The following SMAD3 variants were observed in gnomAD, a reference collection of about 807,000 sequenced individuals.
SMAD3 encodes the protein SMAD family member 3, also known as MAD homolog 3.
A neutral mutation model predicts 51.8 loss-of-function variants in SMAD3; 12 were observed. The ratio of observed to expected loss-of-function variants is 0.23; its 90% CI spans 0.15 to 0.38. SMAD3 has a LOEUF of 0.38. SMAD3 is among the 10% of genes least tolerant of loss of function. The pLI is 1.00. For missense variants in SMAD3, 294 were observed against 565.6 expected, an observed-to-expected ratio of 0.52 and a Z score of 4.87; for synonymous variants, 238 against 227.7, an observed-to-expected ratio of 1.05 and a Z score of -0.41.
intron 1 of SMAD3, among the ~76,000 whole-genome samples, chr15:67,084,676 C>G (rs1960351622): frequency 6.6e-6 from 1 of 152,066 alleles, no homozygotes; most frequent in Admixed American, 6.5e-5. Flanking sequence ...ATGGAGCGTC[C>G]CAGGGTGAAA....
At chr15:67,160,758 G>C (rs1036209710) in intron 1 of SMAD3, among the ~76,000 whole-genome samples, 2 of 109,812 alleles carry the variant, frequency 1.8e-5, no homozygotes, top group East Asian at 6.1e-4. Context: ...GCGACAGAGC[G>C]AGACTCCATC....
intron 1 of SMAD3, among the ~76,000 whole-genome samples, chr15:67,148,190 G>A (rs186709184): frequency 6.6e-6 from 1 of 152,270 alleles, no homozygotes; most frequent in Admixed American, 6.5e-5. Context: ...ATGCTAGAAG[G>A]TACTAGAAGG....
chr15:67,072,229 A>G (rs1960070418), intron 1 of SMAD3, among the ~76,000 whole-genome samples: 1 of 152,228 alleles, frequency 6.6e-6, no homozygotes, highest in Admixed American at 6.5e-5. Flanking sequence ...GAACTGAGCG[A>G]CCATTAATTT....
intron 1 of SMAD3, among the ~76,000 whole-genome samples, chr15:67,089,258 G>C (rs1378113814): frequency 6.6e-6 from 1 of 152,166 alleles, no homozygotes; most frequent in Non-Finnish European, 1.5e-5. Context: ...GATGACCCTT[G>C]CTACTTTACT....
Position 67,165,305 on chromosome 15 carries a change from C to T in SMAD3, c.453C>T (p.Pro151=). 6.2e-7 allele frequency: 1 copy of T among 1,614,220 alleles called. No homozygotes were observed. Among genetic ancestry groups the T allele is most frequent in the Non-Finnish European group, 8.5e-7 (1 of 1,180,030 alleles). ...PRHTEIPAEF[P]PLDDYSHSIP... ...ACACAGAGATCCCGGCCGAGTTCCCCCCACTGGACGACTACAGCCATTCCA... is the reference window on the plus strand; with the variant it reads ...ACACAGAGATCCCGGCCGAGTTCCCTCCACTGGACGACTACAGCCATTCCA... Residue 151 remains proline, a synonymous_variant, in exon 3 of 9, where the codon CCC becomes CCT. Coordinates refer to ENST00000327367, the MANE Select transcript of SMAD3 (RefSeq NM_005902.4).
At chr15:67,096,036 T>A (rs932795557) in intron 1 of SMAD3, among the ~76,000 whole-genome samples, 1 of 152,126 alleles carries the variant, frequency 6.6e-6, no homozygotes, top group Admixed American at 6.5e-5. Context: ...TGCGACTGAG[T>A]AGCAGGGGCC....
intron 5 of SMAD3, among the ~76,000 whole-genome samples, chr15:67,175,184 T>C (rs1962856201): frequency 6.6e-6 from 1 of 152,114 alleles, no homozygotes; most frequent in Non-Finnish European, 1.5e-5. Context: ...AGTAAGTTGT[T>C]CCCTGCTTTA....
chr15:67,156,745 G>A (rs1962293037), intron 1 of SMAD3, among the ~76,000 whole-genome samples: 1 of 118,664 alleles, frequency 8.4e-6, no homozygotes, highest in Non-Finnish European at 1.6e-5. Flanking sequence ...TACAGATTTG[G>A]TTTAGGTCTG....
chr15:67,086,501 C>A (rs1960397235), intron 1 of SMAD3, among the ~76,000 whole-genome samples: 2 of 152,082 alleles, frequency 1.3e-5, no homozygotes, highest in African/African-American at 4.8e-5. Context: ...GCTTGTGGAT[C>A]CTTAATTGGT....
intron 1 of SMAD3, among the ~76,000 whole-genome samples, chr15:67,134,339 C>G (rs533081218): frequency 6.6e-6 from 1 of 152,168 alleles, no homozygotes; most frequent in South Asian, 2.1e-4. Flanking sequence ...ATTCCCTAAG[C>G]TCAGATGAAC....
chr15:67,177,011 C>T (rs978963407), intron 5 of SMAD3, among the ~76,000 whole-genome samples: 2 of 152,214 alleles, frequency 1.3e-5, no homozygotes, highest in African/African-American at 2.4e-5. Context: ...TAGTCATTCT[C>T]CTAGAGGAGC....
chr15:67,078,767 G>C (rs1003752187), intron 1 of SMAD3, among the ~76,000 whole-genome samples: 7 of 152,210 alleles, frequency 4.6e-5, no homozygotes, highest in African/African-American at 1.7e-4. Context: ...AGTGCCCTGG[G>C]TTCAAATCCC....
chr15:67,073,116 GT>G (rs1277168039), intron 1 of SMAD3, among the ~76,000 whole-genome samples: 1 of 130,674 alleles, frequency 7.7e-6, no homozygotes, highest in East Asian at 2.2e-4. Context: ...TGTAAATACT[GT>G]TTTTTTGGTG....
rs1963410173 is a variant in SMAD3, at chr15:67,193,235, T to G, written c.*2699T>G. On this transcript the variant is annotated 3_prime_UTR_variant, in exon 9 of 9. Transcript: ENST00000327367. Reference sequence around the variant, plus strand: ...AACCAGGGCAGTTCTAGAGGAGTGCTGGTGACTGGATAGCAGTTTTAAGTG... The same window carrying G: ...AACCAGGGCAGTTCTAGAGGAGTGCGGGTGACTGGATAGCAGTTTTAAGTG... The G allele has an allele frequency of 4.3e-6, 1 of 233,338 alleles. No individual in the cohort carries two copies. Among genetic ancestry groups the G allele is most frequent in the Admixed American group, 5.6e-5 (1 of 17,792 alleles). 14.5% of individuals were successfully genotyped at this position (233,338 alleles called of 1,614,324 possible). A position where few individuals can be genotyped will look rare whatever the true frequency, so the allele number is the denominator to read the frequency against.
intron 6 of SMAD3, among the ~76,000 whole-genome samples, chr15:67,183,025 A>AT (rs1963122119): frequency 5.7e-5 from 4 of 69,592 alleles, no homozygotes; most frequent in Non-Finnish European, 9.9e-5. Context: ...ATATATATAT[A>AT]TATATATTTT....
intron 1 of SMAD3, among the ~76,000 whole-genome samples, chr15:67,069,515 A>G (rs909695845): frequency 3.3e-5 from 5 of 152,168 alleles, no homozygotes; most frequent in Non-Finnish European, 7.3e-5. Context: ...TCTGGTAGAC[A>G]CTGGTAGCTT....
At chr15:67,138,151 C>T in intron 1 of SMAD3, 1 of 1,378,024 alleles carries the variant, frequency 7.3e-7, no homozygotes, top group African/African-American at 1.4e-5. Context: ...AACTCGTCTC[C>T]CCACCCGTCC....
chr15:67,066,215 G>T lies in SMAD3; in HGVS notation c.61G>T (p.Gly21Cys). The T allele has an allele frequency of 6.2e-7, 1 of 1,613,316 alleles. No individual in the cohort carries two copies. Residue 21 changes from glycine (G) to cysteine (C), a missense_variant, in exon 1 of 9, where the codon GGC (glycine) becomes TGC (cysteine). By Grantham distance (159) the Gly-to-Cys change is radical (BLOSUM62 -3). Transcript: ENST00000327367. ...IVKRLLGWKKGEQNGQEEKWC... is the reference protein window; with the variant it reads ...IVKRLLGWKKCEQNGQEEKWC... ...GAAGCGCCTGCTGGGCTGGAAGAAG[G>T]GCGAGCAGAACGGGCAGGAGGAGAA...
At chr15:67,165,603 T>C (rs1331689095) in intron 3 of SMAD3, among the ~76,000 whole-genome samples, 2 of 152,238 alleles carry the variant, frequency 1.3e-5, no homozygotes, top group Non-Finnish European at 2.9e-5. Flanking sequence ...TTTCTTGGCA[T>C]AGAGGAGCAG....
Sources: gnomAD v4.1 joint callset for allele counts (sites outside exome capture counted in the v4.1 genomes callset) on GRCh38, gnomAD v4.1.1 for gene constraint, MANE v1.5 for transcripts, NCBI Gene and HGNC (gene_info 2026-07-23, HGNC 2026-07-21) for gene names.